Variants in HIVEP3 observed in about 807,000 individuals in gnomAD.
The protein encoded by HIVEP3 is HIVEP zinc finger 3.
A neutral mutation model predicts 152.8 loss-of-function variants in HIVEP3; 49 were observed. The ratio of observed to expected loss-of-function variants is 0.32; its 90% CI spans 0.26 to 0.41. The LOEUF is 0.41. HIVEP3 is among the 10% of genes least tolerant of loss of function. HIVEP3 has a pLI of 1.00. For missense variants in HIVEP3, 2,790 were observed against 3,103.3 expected, an observed-to-expected ratio of 0.90 and a Z score of 2.40; for synonymous variants, 1,269 against 1,289.0, an observed-to-expected ratio of 0.98 and a Z score of 0.33.
intron 2 of HIVEP3, among the ~76,000 whole-genome samples, chr1:41,671,193 T>C (rs796716313): frequency 2.0e-5 from 3 of 152,292 alleles, no homozygotes; most frequent in African/African-American, 7.2e-5. Flanking sequence ...AGGTAGACTG[T>C]AGAACGCTGG....
chr1:41,533,194 G>A lies in HIVEP3; in HGVS notation c.5208-8284C>T, dbSNP rs974137365. ...CTTGTCCAGCTTTGAGGTTCCCAGA[G>A]GGTCCAGCCAGGGACAGGCCTATGG... On this transcript the variant is annotated intron_variant, in intron 5 of 8. Coordinates refer to ENST00000372583, the MANE Select transcript of HIVEP3 (RefSeq NM_024503.5). This position sits in a 1 kb window ranked among gnomAD's most constrained non-coding sequence, Gnocchi z 4.3. Among the ~76,000 whole-genome samples, 1 of 152,134 alleles carries A rather than the reference G, an allele frequency of 6.6e-6. No individual in the cohort carries two copies. Among genetic ancestry groups the A allele is most frequent in the Non-Finnish European group, 1.5e-5 (1 of 68,016 alleles).
chr1:41,511,473 G>A lies in HIVEP3; in HGVS notation c.6406-207C>T, dbSNP rs1037239478. 6.6e-6 allele frequency among the ~76,000 whole-genome samples: 1 copy of A among 152,146 alleles called. No homozygotes were observed. Among genetic ancestry groups the A allele is most frequent in the Non-Finnish European group, 1.5e-5 (1 of 68,044 alleles). On this transcript the variant is annotated intron_variant, in intron 8 of 8. Transcript: ENST00000372583. The surrounding 1 kb of genome is among the most constrained non-coding windows in gnomAD (Gnocchi z 4.9). ...CTCTGGAATGGGCCATCTCCAGCTCGACAGTGACCATGAGTATGCTCAGGC... is the reference window on the plus strand; with the variant it reads ...CTCTGGAATGGGCCATCTCCAGCTCAACAGTGACCATGAGTATGCTCAGGC...
chr1:41,557,224 G>A (rs981813156), intron 5 of HIVEP3, among the ~76,000 whole-genome samples: 3 of 152,212 alleles, frequency 2.0e-5, no homozygotes, highest in Admixed American at 2.0e-4. Context: ...TCTGTGTCAT[G>A]TGCTAGGTAT....
intron 5 of HIVEP3, among the ~76,000 whole-genome samples, chr1:41,526,062 T>C (rs1569727559): frequency 6.6e-6 from 1 of 151,686 alleles, no homozygotes; most frequent in South Asian, 2.1e-4. Context: ...GGGCAGGAGG[T>C]GGCTGGGAGG....
chr1:41,885,057 T>C (rs1016210581), intron 1 of HIVEP3, among the ~76,000 whole-genome samples: 2 of 152,190 alleles, frequency 1.3e-5, no homozygotes, highest in Non-Finnish European at 2.9e-5. Context: ...TCCCTTATTA[T>C]ACAAGCTCTG....
At chr1:41,926,736 A>T (rs986057844) in intron 1 of HIVEP3, among the ~76,000 whole-genome samples, 1 of 152,224 alleles carries the variant, frequency 6.6e-6, no homozygotes, top group Non-Finnish European at 1.5e-5. Context: ...TTGTGAACAA[A>T]GAAAGGAATA....
At chr1:41,644,765 A>T (rs1409210662) in intron 2 of HIVEP3, among the ~76,000 whole-genome samples, 1 of 122,806 alleles carries the variant, frequency 8.1e-6, no homozygotes, top group Non-Finnish European at 1.6e-5. Flanking sequence ...CTCATTTTGC[A>T]GAGTGAGGCT....
intron 1 of HIVEP3, among the ~76,000 whole-genome samples, chr1:42,028,545 G>T (rs1201076821): frequency 2.0e-5 from 3 of 152,076 alleles, no homozygotes; most frequent in African/African-American, 7.2e-5. Flanking sequence ...TACTGACTCG[G>T]TGTCCAAATC....
intron 1 of HIVEP3, among the ~76,000 whole-genome samples, chr1:41,911,666 G>T (rs1644798073): frequency 6.6e-6 from 1 of 152,062 alleles, no homozygotes; most frequent in South Asian, 2.1e-4. Context: ...TAATAGAATA[G>T]ACATATAAAC....
chr1:41,855,868 G>T (rs1290123596), intron 1 of HIVEP3, among the ~76,000 whole-genome samples: 1 of 152,246 alleles, frequency 6.6e-6, no homozygotes, highest in Admixed American at 6.5e-5. Flanking sequence ...ACTGGAAGCT[G>T]TGATGAATCA....
intron 1 of HIVEP3, among the ~76,000 whole-genome samples, chr1:41,824,804 G>GAGAGAGAGAGTTTATATAT: frequency 4.3e-5 from 1 of 23,242 alleles, no homozygotes; most frequent in Non-Finnish European, 9.5e-5. Flanking sequence ...GAGAGAGAGA[G>GAGAGAGAGAGTTTATATAT]AGAGAGAGAG....
At chr1:41,772,264 A>G (rs1224627685) in intron 1 of HIVEP3, among the ~76,000 whole-genome samples, 1 of 152,176 alleles carries the variant, frequency 6.6e-6, no homozygotes. Flanking sequence ...CCATCTTCTA[A>G]TCATGTGGAA....
At chr1:41,605,320 A>G (rs1012365179) in intron 3 of HIVEP3, among the ~76,000 whole-genome samples, 3 of 151,142 alleles carry the variant, frequency 2.0e-5, no homozygotes, top group Non-Finnish European at 4.4e-5. Flanking sequence ...TGGGTGTACA[A>G]TTGTTCCACA....
At chr1:41,761,314 TTGTG>T (rs1647665053) in intron 1 of HIVEP3, among the ~76,000 whole-genome samples, 1 of 151,764 alleles carries the variant, frequency 6.6e-6, no homozygotes, top group Non-Finnish European at 1.5e-5. Context: ...GAGTGTATGG[TTGTG>T]TATGTGTATG....
At chr1:41,884,119 C>T (rs549396388) in intron 1 of HIVEP3, among the ~76,000 whole-genome samples, 4 of 152,126 alleles carry the variant, frequency 2.6e-5, no homozygotes, top group African/African-American at 9.7e-5. Context: ...GAGCACACCA[C>T]CATGCCTGGC....
At chr1:41,695,242 T>C (rs1477981110) in intron 2 of HIVEP3, among the ~76,000 whole-genome samples, 2 of 152,144 alleles carry the variant, frequency 1.3e-5, no homozygotes, top group Admixed American at 1.3e-4. Flanking sequence ...CCAGTACCTA[T>C]CTGGAGATGG....
chr1:41,717,586 C>T (rs376816748), intron 1 of HIVEP3, among the ~76,000 whole-genome samples: 10 of 152,132 alleles, frequency 6.6e-5, no homozygotes, highest in East Asian at 3.8e-4. Context: ...ATTTCAGGCA[C>T]GGGGTTGGTA....
At chr1:41,705,371 C>T (rs1281833547) in intron 1 of HIVEP3, among the ~76,000 whole-genome samples, 1 of 152,198 alleles carries the variant, frequency 6.6e-6, no homozygotes, top group East Asian at 1.9e-4. Flanking sequence ...GCTGTCAGCC[C>T]TACCAGCCTG....
intron 1 of HIVEP3, among the ~76,000 whole-genome samples, chr1:41,768,688 C>T (rs1237077745): frequency 6.6e-6 from 1 of 152,204 alleles, no homozygotes; most frequent in African/African-American, 2.4e-5. Flanking sequence ...AGGAAATCTA[C>T]CAGTCCAGAA....
Sources: allele counts gnomAD v4.1 joint callset (sites outside exome capture counted in the v4.1 genomes callset), GRCh38; gene constraint gnomAD v4.1.1; non-coding constraint Gnocchi (gnomAD v3.1); transcripts MANE v1.5; gene names NCBI Gene and HGNC (gene_info 2026-07-23, HGNC 2026-07-21).